The following RXYLT1 variants were observed in gnomAD, a reference collection of about 807,000 sequenced individuals.
RXYLT1 encodes ribitol-5-phosphate xylosyltransferase 1.
Under a neutral mutation model 43.5 loss-of-function variants are expected in RXYLT1, and 41 were observed. The observed-to-expected ratio is 0.94, with a 90% CI of 0.73 to 1.22. The LOEUF is 1.22. Among genes scored for constraint, RXYLT1 ranks in the 50% most tolerant of loss-of-function variants. The pLI is 0.00. For synonymous variants in RXYLT1, 166 were observed against 194.4 expected, an observed-to-expected ratio of 0.85 and a Z score of 1.21; for missense variants, 514 against 532.0, an observed-to-expected ratio of 0.97 and a Z score of 0.33.
rs773221174 is a variant in RXYLT1 at position 63,808,889 on chromosome 12, A to G, written c.1129A>G (p.Lys377Glu). 4 of 1,614,064 alleles carry G rather than the reference A, an allele frequency of 2.5e-6. No homozygotes were observed. In the African/African-American group the frequency reaches 5.3e-5, roughly 22 times the overall value. ...CCACGGTGCTCCTCTGCAGTTACTC[A>G]AGTCCATGGGTGCTCCCTTTATCTT... Reference protein sequence around the residue: ...VHHGAPLQLLKSMGAPFIFIK... With the variant: ...VHHGAPLQLLESMGAPFIFIK... The change falls in exon 6 of 6, where the codon AAG becomes GAG. Residue 377 changes from lysine (K) to glutamate (E), a missense_variant. By Grantham distance (56) the Lys-to-Glu change is moderately conservative. Coordinates refer to ENST00000261234, the MANE Select transcript of RXYLT1 (RefSeq NM_014254.3).
In RXYLT1 at chr12:63,802,343, A is replaced by G. The variant is rs766660116; in HGVS notation, c.681A>G (p.Ile227Met). 5.6e-6 allele frequency: 9 copies of G among 1,609,740 alleles called. No individual in the cohort carries two copies. Among genetic ancestry groups the G allele is most frequent in the Middle Eastern group, 1.6e-4 (1 of 6,062 alleles). ...GAGGCTTCGTGGAGCTGCTTTTCATAATATATGACAGCCCCTGGATTAATG... is the reference window on the plus strand; with the variant it reads ...GAGGCTTCGTGGAGCTGCTTTTCATGATATATGACAGCCCCTGGATTAATG... ...RNGGFVELLF[I>M]IYDSPWINDV... Residue 227 changes from isoleucine to methionine, a missense_variant, in exon 4 of 6, where the codon ATA becomes ATG. Transcript: ENST00000261234.
chr12:63,809,020 C>A lies in RXYLT1; in HGVS notation c.1260C>A (p.His420Gln), dbSNP rs751484155. The A allele has an allele frequency of 3.1e-6, 5 of 1,596,530 alleles. No individual in the cohort carries two copies. The highest frequency in any genetic ancestry group is 4.3e-6 in the Non-Finnish European group (5 of 1,173,838). ...RRKMLLQWYQ[H>Q]FKTELKMKFT... ...AAATGTTACTTCAGTGGTATCAGCA[C>A]TTCAAGACAGAGCTTAAAATGAAAT... Residue 420 changes from histidine to glutamine, a missense_variant, in exon 6 of 6, where the codon CAC becomes CAA. Physicochemically the swap from His to Gln is conservative, Grantham distance 24. Transcript: ENST00000261234.
rs143312527 is a variant in RXYLT1, at chr12:63,802,370, C to T, written c.708C>T (p.Asp236=). Residue 236 remains aspartate (D), a synonymous_variant, in exon 4 of 6, where the codon GAC becomes GAT. Transcript: ENST00000261234. ...FIIYDSPWIN[D]VDVFQWPLGV... is the part of the protein sequence containing the mutation. Reference sequence around the variant, plus strand: ...TATATGACAGCCCCTGGATTAATGACGTGGATGTTTTTCAGTGGCCTTTAG... The same window carrying T: ...TATATGACAGCCCCTGGATTAATGATGTGGATGTTTTTCAGTGGCCTTTAG... The T allele has an allele frequency of 7.5e-6, 12 of 1,591,280 alleles. No individual in the cohort carries two copies. Among genetic ancestry groups the T allele is most frequent in the Middle Eastern group, 1.7e-4 (1 of 5,992 alleles).
At chr12:63,806,354 G>T (rs1478823011) in intron 5 of RXYLT1, 2 of 152,226 alleles carry the variant, frequency 1.3e-5, no homozygotes, top group African/African-American at 4.8e-5. Flanking sequence ...CAGAAGAATG[G>T]CATAGAAAGA....
rs1897638250 is a variant in RXYLT1 at position 63,780,084 on chromosome 12, G to A, written c.124G>A (p.Gly42Ser). 6.3e-7 allele frequency: 1 copy of A among 1,589,222 alleles called. No homozygotes were observed. The highest frequency in any genetic ancestry group is 1.4e-5 in the African/African-American group (1 of 73,264). The change falls in exon 1 of 6, where the codon GGC (glycine) becomes AGC (serine). Residue 42 changes from glycine to serine, a missense_variant. Gly to Ser is a moderately conservative substitution (Grantham distance 56). Transcript: ENST00000261234. ...RRQAPAGSPR[G>S]LRKGAAPARE... is the part of the protein sequence containing the mutation. ...CCAGGCGCCGGCCGGGTCCCCGCGGGGCCTCAGGAAGGGGGCGGCCCCCGC... is the reference window on the plus strand; with the variant it reads ...CCAGGCGCCGGCCGGGTCCCCGCGGAGCCTCAGGAAGGGGGCGGCCCCCGC...
chr12:63,790,067 A>G (rs748147646), intron 3 of RXYLT1, among the ~76,000 whole-genome samples: 11 of 152,218 alleles, frequency 7.2e-5, no homozygotes, highest in Non-Finnish European at 1.5e-4. Context: ...TCAGTGTTGC[A>G]GGGCTCATCA....
intron 3 of RXYLT1, among the ~76,000 whole-genome samples, chr12:63,793,873 A>G (rs536521678): frequency 1.3e-4 from 20 of 152,336 alleles, no homozygotes; most frequent in South Asian, 6.2e-4. Flanking sequence ...CCCTTACCTA[A>G]AAAGAACTTT....
chr12:63,808,881 A>C lies in RXYLT1; in HGVS notation c.1121A>C (p.Gln374Pro), dbSNP rs770063033. The change falls in exon 6 of 6, where the codon CAG (glutamine) becomes CCG (proline). Residue 374 changes from glutamine to proline, a missense_variant. Physicochemically the swap from Gln to Pro is moderately conservative, Grantham distance 76. Coordinates refer to ENST00000261234, the MANE Select transcript of RXYLT1 (RefSeq NM_014254.3). Reference sequence around the variant, plus strand: ...TCTGTGCACCACGGTGCTCCTCTGCAGTTACTCAAGTCCATGGGTGCTCCC... The same window carrying C: ...TCTGTGCACCACGGTGCTCCTCTGCCGTTACTCAAGTCCATGGGTGCTCCC... ...NTSVHHGAPLQLLKSMGAPFI... is the reference protein window; with the variant it reads ...NTSVHHGAPLPLLKSMGAPFI... 58 of 1,614,056 alleles carry C rather than the reference A, an allele frequency of 3.6e-5. No homozygotes were observed. In the South Asian group the frequency reaches 6.3e-4, roughly 17 times the overall value.
chr12:63,801,988 T>G, intron 3 of RXYLT1, 103 bp from the exon 4 acceptor site: 1 of 1,119,542 alleles, frequency 8.9e-7, no homozygotes, highest in Non-Finnish European at 1.2e-6. Flanking sequence ...GAATGTGGAT[T>G]AAATCTCATT....
At position 63,785,000 on chromosome 12, in the gene RXYLT1, GCTTA is replaced by G. The variant is rs1565899657; in HGVS notation, c.360_363del (p.Leu121IlefsTer5). The G allele has an allele frequency of 3.1e-6, 5 of 1,613,860 alleles. No homozygotes were observed. In the Admixed American group the frequency reaches 6.7e-5, roughly 22 times the overall value. On this transcript the variant is annotated frameshift_variant, in exon 3 of 6. Transcript: ENST00000261234. LOFTEE classifies it high-confidence loss of function. Reference sequence around the variant, plus strand: ...TATCTCTGGGAGCATATTTTTGAAGGCTTACTTGATCCCAGCGATGTGACTGCTC... The same window carrying G: ...TATCTCTGGGAGCATATTTTTGAAGGCTTGATCCCAGCGATGTGACTGCTC...
intron 3 of RXYLT1, among the ~76,000 whole-genome samples, chr12:63,790,803 G>C (rs1897905112): frequency 6.6e-6 from 1 of 152,052 alleles, no homozygotes; most frequent in Non-Finnish European, 1.5e-5. Flanking sequence ...TCTGACCTTG[G>C]GCAAGTTTCT....
chr12:63,785,226 G>A, intron 3 of RXYLT1, 154 bp downstream of exon 3: 1 of 443,084 alleles, frequency 2.3e-6, no homozygotes, highest in Non-Finnish European at 3.9e-6. Context: ...TCATGAATAT[G>A]TATTCATAAT....
Position 63,809,156 on chromosome 12 carries a change from TTGTG to T in RXYLT1, c.*70_*73del. On this transcript the variant is annotated 3_prime_UTR_variant, in exon 6 of 6. Transcript: ENST00000261234. Reference sequence around the variant, plus strand: ...TTGACTACTGGGTGTATAAATGTGTTTGTGTGTGTATGTATTTATAGATGTTCTT... The same window carrying T: ...TTGACTACTGGGTGTATAAATGTGTTTGTGTATGTATTTATAGATGTTCTT... 2.9e-5 allele frequency: 34 copies of T among 1,172,074 alleles called. No individual in the cohort carries two copies. The highest frequency in any genetic ancestry group is 4.0e-5 in the Non-Finnish European group (34 of 845,112). 72.6% of individuals were successfully genotyped at this position (1,172,074 alleles called of 1,614,324 possible). A position where few individuals can be genotyped will look rare whatever the true frequency, so the allele number is the denominator to read the frequency against.
At position 63,799,878 on chromosome 12, in the gene RXYLT1, A is replaced by G. The variant is rs1053491375; in HGVS notation, c.429-2213A>G. On this transcript the variant is annotated intron_variant, in intron 3 of 5. Coordinates refer to ENST00000261234, the MANE Select transcript of RXYLT1 (RefSeq NM_014254.3). Reference sequence around the variant, plus strand: ...CAATAATAAATATTTTAAACATACCATAATTATCATCATCATTGCTAGTTT... The same window carrying G: ...CAATAATAAATATTTTAAACATACCGTAATTATCATCATCATTGCTAGTTT... Among the ~76,000 whole-genome samples, 3 of 152,202 alleles carry G rather than the reference A, an allele frequency of 2.0e-5. No homozygotes were observed. In the South Asian group the frequency reaches 6.2e-4, roughly 32 times the overall value.
rs577790642 is a variant in RXYLT1, at chr12:63,799,876, C to T, written c.429-2215C>T. ...ACCAATAATAAATATTTTAAACATACCATAATTATCATCATCATTGCTAGT... is the reference window on the plus strand; with the variant it reads ...ACCAATAATAAATATTTTAAACATATCATAATTATCATCATCATTGCTAGT... On this transcript the variant is annotated intron_variant, in intron 3 of 5. Transcript: ENST00000261234. Among the ~76,000 whole-genome samples the T allele has an allele frequency of 1.6e-4, 25 of 152,140 alleles. 1 individual carries two copies. In the South Asian group the frequency reaches 5.2e-3, roughly 32 times the overall value.
intron 3 of RXYLT1, among the ~76,000 whole-genome samples, chr12:63,798,489 A>G (rs1352390542): frequency 6.6e-6 from 1 of 152,218 alleles, no homozygotes; most frequent in Non-Finnish European, 1.5e-5. Context: ...TCTGAATCAA[A>G]TGAAATTTTT....
At chr12:63,789,063 C>T (rs2136224262) in intron 3 of RXYLT1, among the ~76,000 whole-genome samples, 1 of 152,210 alleles carries the variant, frequency 6.6e-6, no homozygotes, top group Non-Finnish European at 1.5e-5. Flanking sequence ...TTTACTGGCC[C>T]AACCAGAAAC....
intron 5 of RXYLT1, chr12:63,806,001 C>T (rs1898283772): frequency 6.6e-6 from 1 of 152,180 alleles, no homozygotes; most frequent in Non-Finnish European, 1.5e-5. Context: ...AATTTGCAAT[C>T]ATTTATTTTG....
intron 5 of RXYLT1, chr12:63,806,886 C>G (rs1898305669): frequency 6.6e-6 from 1 of 152,322 alleles, no homozygotes; most frequent in African/African-American, 2.4e-5. Flanking sequence ...ACTCTGTTCT[C>G]AATTCTTAGT....
Sources: gnomAD v4.1 joint callset for allele counts (sites outside exome capture counted in the v4.1 genomes callset) on GRCh38, gnomAD v4.1.1 for gene constraint, MANE v1.5 for transcripts, NCBI Gene and HGNC (gene_info 2026-07-23, HGNC 2026-07-21) for gene names.